DAGLB: variants seen among roughly 807,000 people sequenced by gnomAD.
DAGLB encodes the protein diacylglycerol lipase-beta.
In DAGLB, 66 loss-of-function variants were observed where a neutral mutation model predicts 72.1. The observed-to-expected ratio is 0.92, with a 90% CI of 0.75 to 1.12. DAGLB has a LOEUF of 1.12. Ranked by LOEUF, DAGLB falls within the 50% of genes most tolerant of loss-of-function variation. DAGLB has a pLI of 0.00. For synonymous variants in DAGLB, 414 were observed against 359.5 expected (o/e 1.15, Z -1.71); for missense variants, 1,065 against 884.9 (o/e 1.20, Z -2.58).
intron 8 of DAGLB, 151 bp downstream of exon 8, chr7:6,424,601 T>C: frequency 1.4e-6 from 1 of 702,412 alleles, no homozygotes; most frequent in East Asian, 2.8e-5. Flanking sequence ...AAGGGAGTAT[T>C]TCCCAACCCC....
At position 6,410,158 on chromosome 7, in the gene DAGLB, G is replaced by A. The variant is rs1783671439; in HGVS notation, c.1792C>T (p.His598Tyr). The change falls in exon 14 of 15, where the codon CAC becomes TAC. Residue 598 changes from histidine (H) to tyrosine (Y), a missense_variant. Coordinates refer to ENST00000297056, the MANE Select transcript of DAGLB (RefSeq NM_139179.4). ...PPLYPPGRII[H>Y]LQEEGASGRF... Reference sequence around the variant, plus strand: ...CCCGAGGCGCCCTCCTCCTGCAGGTGGATGATCCTGCCGGGAGGGTAGAGA... The same window carrying A: ...CCCGAGGCGCCCTCCTCCTGCAGGTAGATGATCCTGCCGGGAGGGTAGAGA... The A allele has an allele frequency of 1.9e-6, 3 of 1,578,628 alleles. No homozygotes were observed. The highest frequency in any genetic ancestry group is 2.3e-5 in the East Asian group (1 of 44,098).
At chr7:6,419,674 C>T (rs1157187042) in intron 9 of DAGLB, among the ~76,000 whole-genome samples, 1 of 152,208 alleles carries the variant, frequency 6.6e-6, no homozygotes, top group Admixed American at 6.5e-5. Context: ...GCCAGCCAAG[C>T]CGCGGATCCT....
rs1314615312 is a variant in DAGLB at position 6,409,275 on chromosome 7, C to T, written c.*562G>A. 5 of 154,912 alleles carry T rather than the reference C, an allele frequency of 3.2e-5. No individual in the cohort carries two copies. The highest frequency in any genetic ancestry group is 6.3e-5 in the Admixed American group (1 of 15,862). The allele number at this position is 154,912 out of a possible 1,614,324, so 9.6% of individuals were successfully genotyped here. On this transcript the variant is annotated 3_prime_UTR_variant, in exon 15 of 15. Coordinates refer to ENST00000297056, the MANE Select transcript of DAGLB (RefSeq NM_139179.4). ...AGGCAGTTGGGGGGCTGTGGCTCGGCGGGGCCGGGGGCTCCACTTACTTTC... is the reference window on the plus strand; with the variant it reads ...AGGCAGTTGGGGGGCTGTGGCTCGGTGGGGCCGGGGGCTCCACTTACTTTC...
At position 6,434,673 on chromosome 7, in the gene DAGLB, C is replaced by T. The variant is rs767396895; in HGVS notation, c.678+89G>A. ...CACCCAAAGACACCAGGTTCTCAAACGCGGTTTTATGGGAACAGAGGGACC... is the reference window on the plus strand; with the variant it reads ...CACCCAAAGACACCAGGTTCTCAAATGCGGTTTTATGGGAACAGAGGGACC... On this transcript the variant is annotated intron_variant, in intron 4 of 14. Coordinates refer to ENST00000297056, the MANE Select transcript of DAGLB (RefSeq NM_139179.4). The T allele has an allele frequency of 1.5e-4, 230 of 1,571,478 alleles. 1 individual carries two copies. Among genetic ancestry groups the T allele is most frequent in the South Asian group, 3.2e-4 (27 of 84,784 alleles).
intron 2 of DAGLB, among the ~76,000 whole-genome samples, chr7:6,438,767 G>T (rs1490243577): frequency 1.3e-5 from 2 of 152,178 alleles, no homozygotes; most frequent in Non-Finnish European, 2.9e-5. Flanking sequence ...CAGCACATTG[G>T]GTGGCCAAGG....
Position 6,447,869 on chromosome 7 carries a change from G to A in DAGLB, c.-27C>T, listed in dbSNP as rs746990679. ...GCGAAGGTCCCGTAGCTCGCACTCAGGAGAGACCCCGCGCGCCGTTCACCG... is the reference window on the plus strand; with the variant it reads ...GCGAAGGTCCCGTAGCTCGCACTCAAGAGAGACCCCGCGCGCCGTTCACCG... On this transcript the variant is annotated 5_prime_UTR_variant, in exon 1 of 15. Transcript: ENST00000297056. The A allele has an allele frequency of 7.6e-6, 12 of 1,587,162 alleles. No individual in the cohort carries two copies. Among genetic ancestry groups the A allele is most frequent in the East Asian group, 6.8e-5 (3 of 43,984 alleles).
chr7:6,417,279 A>C, intron 9 of DAGLB: 2 of 177,150 alleles, frequency 1.1e-5, no homozygotes, highest in Non-Finnish European at 2.4e-5. Flanking sequence ...AAAAAAATTA[A>C]CGGGGCTTGG....
At chr7:6,427,214 G>A (rs912626681) in intron 6 of DAGLB, among the ~76,000 whole-genome samples, 1 of 152,128 alleles carries the variant, frequency 6.6e-6, no homozygotes, top group African/African-American at 2.4e-5. Flanking sequence ...AGTGGAACTG[G>A]GTATAGCAAT....
chr7:6,410,170 C>A lies in DAGLB; in HGVS notation c.1780G>T (p.Gly594Cys). The change falls in exon 14 of 15, where the codon GGC becomes TGC. Residue 594 changes from glycine (G) to cysteine (C), a missense_variant. By Grantham distance (159) the Gly-to-Cys change is radical. Transcript: ENST00000297056. The part of the protein sequence containing the change: ...SPKYPPLYPP[G>C]RIIHLQEEGA... Reference sequence around the variant, plus strand: ...TCCTCCTGCAGGTGGATGATCCTGCCGGGAGGGTAGAGAGGGGGGTACTTG... The same window carrying A: ...TCCTCCTGCAGGTGGATGATCCTGCAGGGAGGGTAGAGAGGGGGGTACTTG... 1 of 1,585,524 alleles carries A rather than the reference C, an allele frequency of 6.3e-7. No homozygotes were observed. The highest frequency in any genetic ancestry group is 1.1e-5 in the South Asian group (1 of 87,956).
intron 6 of DAGLB, among the ~76,000 whole-genome samples, 188 bp downstream of exon 6, chr7:6,430,292 A>G (rs1014645550): frequency 4.8e-3 from 269 of 56,482 alleles, no homozygotes; most frequent in African/African-American, 7.4e-3. Flanking sequence ...TGCAGGGGGG[A>G]GGGAGGGAGG....
chr7:6,446,914 G>A (rs938909072), intron 1 of DAGLB, among the ~76,000 whole-genome samples: 3 of 152,080 alleles, frequency 2.0e-5, no homozygotes, highest in Admixed American at 6.6e-5. Flanking sequence ...GAAGAGTGAA[G>A]TGGGAAGATC....
intron 11 of DAGLB, among the ~76,000 whole-genome samples, chr7:6,414,456 G>A (rs1403861601): frequency 6.6e-6 from 1 of 151,948 alleles, no homozygotes; most frequent in Non-Finnish European, 1.5e-5. Flanking sequence ...GGGACCACAG[G>A]CACACGTCAC....
intron 6 of DAGLB, among the ~76,000 whole-genome samples, chr7:6,427,290 C>G (rs1784344533): frequency 6.6e-6 from 1 of 151,992 alleles, no homozygotes; most frequent in Non-Finnish European, 1.5e-5. Flanking sequence ...TTGCTGGGAG[C>G]CAAGCTTCTC....
rs1196797010 is a variant in DAGLB at position 6,430,555 on chromosome 7, G to A, written c.854C>T (p.Ala285Val). 4 of 1,603,772 alleles carry A rather than the reference G, an allele frequency of 2.5e-6. No individual in the cohort carries two copies. The highest frequency in any genetic ancestry group is 2.6e-6 in the Non-Finnish European group (3 of 1,173,210). ...GAGGGGCCACCCATAGGCCGCTGCTGCAAACTGCATGTAATGATGGCAGTT... is the reference window on the plus strand; with the variant it reads ...GAGGGGCCACCCATAGGCCGCTGCTACAAACTGCATGTAATGATGGCAGTT... ...LENCHHYMQF[A>V]AAAYGWPLYI... The change falls in exon 6 of 15, where the codon GCA (alanine) becomes GTA (valine). Residue 285 changes from alanine to valine, a missense_variant. Transcript: ENST00000297056.
chr7:6,445,881 G>C, intron 2 of DAGLB, 72 bp downstream of exon 2: 1 of 1,459,414 alleles, frequency 6.9e-7, no homozygotes, highest in South Asian at 1.4e-5. Flanking sequence ...GAAGTGAATT[G>C]TATGGTATGT....
chr7:6,410,404 G>A, intron 13 of DAGLB, 24 bp from the exon 14 acceptor site: 2 of 1,580,320 alleles, frequency 1.3e-6, no homozygotes, highest in Non-Finnish European at 1.7e-6. Context: ...CCAATCAGTA[G>A]AATGCTGTCA....
intron 6 of DAGLB, among the ~76,000 whole-genome samples, chr7:6,427,275 T>C (rs1232192116): frequency 6.6e-6 from 1 of 152,162 alleles, no homozygotes; most frequent in African/African-American, 2.4e-5. Flanking sequence ...TAACTCACGC[T>C]GATGTTGCTG....
Position 6,410,077 on chromosome 7 carries a change from G to A in DAGLB, c.1821-42C>T, listed in dbSNP as rs370327730. The stretch of plus-strand genomic sequence containing the variant: ...GAGACAGCTCCCACGCGGCCCCAGG[G>A]CTGACCCCGCGCTGCTCCTGCCTGC... On this transcript the variant is annotated intron_variant, in intron 14 of 14. Transcript: ENST00000297056. 30 of 1,593,248 alleles carry A rather than the reference G, an allele frequency of 1.9e-5. No individual in the cohort carries two copies. The African/African-American group carries it at 2.9e-4, about 16-fold the overall frequency.
chr7:6,426,163 A>C (rs563740002), intron 6 of DAGLB, 49 bp from the exon 7 acceptor site: 1 of 1,607,280 alleles, frequency 6.2e-7, no homozygotes, highest in South Asian at 1.1e-5. Context: ...CCACTTGGCA[A>C]GGAACGTCCA....
Sources: allele counts gnomAD v4.1 joint callset (sites outside exome capture counted in the v4.1 genomes callset), GRCh38; gene constraint gnomAD v4.1.1; transcripts MANE v1.5; gene names NCBI Gene and HGNC (gene_info 2026-07-23, HGNC 2026-07-21).